GLCE: variants seen among roughly 807,000 people sequenced by gnomAD.
The protein encoded by GLCE is glucuronic acid epimerase, also known as D-glucuronyl C5-epimerase.
In GLCE, 19 loss-of-function variants were observed where a neutral mutation model predicts 47.9. The observed-to-expected ratio is 0.40, with a 90% CI of 0.28 to 0.58. The LOEUF is 0.58. GLCE is among the 20% of genes least tolerant of loss of function. The pLI is 0.48. For missense variants in GLCE, 556 were observed against 743.3 expected (o/e 0.75, Z 2.93); for synonymous variants, 245 against 263.4 (o/e 0.93, Z 0.68).
intron 1 of GLCE, among the ~76,000 whole-genome samples, chr15:69,170,835 C>G (rs1260963265): frequency 1.3e-5 from 2 of 152,156 alleles, no homozygotes; most frequent in African/African-American, 4.8e-5. Flanking sequence ...AATAGCACTT[C>G]TGTTTATAGT....
intron 1 of GLCE, among the ~76,000 whole-genome samples, chr15:69,202,011 C>G (rs1437877029): frequency 6.6e-6 from 1 of 152,050 alleles, no homozygotes; most frequent in Non-Finnish European, 1.5e-5. Context: ...CCTTGACCTC[C>G]TCAGCTCAAA....
intron 1 of GLCE, among the ~76,000 whole-genome samples, chr15:69,198,953 C>T (rs966830145): frequency 1.3e-4 from 20 of 152,150 alleles, no homozygotes; most frequent in African/African-American, 4.8e-4. Flanking sequence ...ACTGCAGGGA[C>T]GTATTAGAAG....
At chr15:69,162,374 GGTTA>G (rs1333961471) in intron 1 of GLCE, among the ~76,000 whole-genome samples, 3 of 152,136 alleles carry the variant, frequency 2.0e-5, no homozygotes, top group African/African-American at 7.2e-5. Flanking sequence ...CATTTCTTTT[GGTTA>G]GTTACTCTAT....
intron 2 of GLCE, among the ~76,000 whole-genome samples, chr15:69,214,082 C>T (rs2052270319): frequency 6.6e-6 from 1 of 151,930 alleles, no homozygotes; most frequent in African/African-American, 2.4e-5. Context: ...CTTGTATTTT[C>T]CCTGCTTTAG....
intron 1 of GLCE, 107 bp from the exon 2 acceptor site, chr15:69,210,209 A>G (rs987750362): frequency 6.6e-6 from 1 of 152,104 alleles, no homozygotes; most frequent in African/African-American, 2.4e-5. Flanking sequence ...TAGTTGTTCC[A>G]TGCATTCTGT....
chr15:69,204,806 T>A (rs914353171), intron 1 of GLCE, among the ~76,000 whole-genome samples: 6 of 152,092 alleles, frequency 3.9e-5, no homozygotes, highest in African/African-American at 1.4e-4. Context: ...CCTTTGCAGG[T>A]GATACATTGC....
intron 4 of GLCE, among the ~76,000 whole-genome samples, chr15:69,266,375 G>A (rs1386460716): frequency 1.3e-5 from 2 of 151,650 alleles, no homozygotes; most frequent in East Asian, 1.9e-4. Context: ...CTGTCACCCA[G>A]AACAAGAGTG....
chr15:69,228,059 C>CTCTATTTCCTA (rs2052473685), intron 2 of GLCE, among the ~76,000 whole-genome samples: 1 of 152,100 alleles, frequency 6.6e-6, no homozygotes, highest in Non-Finnish European at 1.5e-5. Context: ...GTAGAGAAAG[C>CTCTATTTCCTA]TAGGAGGAAA....
intron 1 of GLCE, among the ~76,000 whole-genome samples, chr15:69,202,135 G>T (rs997635185): frequency 6.6e-6 from 1 of 151,920 alleles, no homozygotes; most frequent in Non-Finnish European, 1.5e-5. Context: ...ACCCAGGCTG[G>T]TCTTGAGCTC....
chr15:69,219,300 T>C (rs535641915), intron 2 of GLCE, among the ~76,000 whole-genome samples: 2 of 152,266 alleles, frequency 1.3e-5, no homozygotes, highest in Non-Finnish European at 2.9e-5. Context: ...GACAGTTGTT[T>C]CAGTATATAT....
chr15:69,229,046 G>T (rs1030347122), intron 2 of GLCE, among the ~76,000 whole-genome samples: 1 of 152,056 alleles, frequency 6.6e-6, no homozygotes. Context: ...AAACTAAAAG[G>T]ATTAAAATAT....
At chr15:69,248,480 G>A (rs1029398395) in intron 2 of GLCE, among the ~76,000 whole-genome samples, 1 of 152,090 alleles carries the variant, frequency 6.6e-6, no homozygotes, top group Non-Finnish European at 1.5e-5. Context: ...TCAAATGTCT[G>A]TTTTTTATCT....
chr15:69,229,702 A>G (rs1325617961), intron 2 of GLCE, among the ~76,000 whole-genome samples: 1 of 152,092 alleles, frequency 6.6e-6, no homozygotes, highest in Non-Finnish European at 1.5e-5. Flanking sequence ...TACTTACCCA[A>G]CAATGACAAA....
At chr15:69,203,042 A>G (rs2052097777) in intron 1 of GLCE, among the ~76,000 whole-genome samples, 1 of 152,142 alleles carries the variant, frequency 6.6e-6, no homozygotes, top group Admixed American at 6.6e-5. Flanking sequence ...ATTTGGGTGA[A>G]GGAAAGTAGT....
chr15:69,255,853 T>C lies in GLCE; in HGVS notation c.47T>C (p.Ile16Thr). 9 of 1,614,072 alleles carry C rather than the reference T, an allele frequency of 5.6e-6. No homozygotes were observed. The highest frequency in any genetic ancestry group is 1.7e-5 in the Admixed American group (1 of 60,002). Residue 16 changes from isoleucine (I) to threonine (T), a missense_variant, in exon 3 of 5, where the codon ATC (isoleucine) becomes ACC (threonine). Ile to Thr is a moderately conservative substitution (Grantham distance 89, BLOSUM62 -1). Transcript: ENST00000261858. ...ARVNYKTLIIICALFTLVTVL... is the reference protein window; with the variant it reads ...ARVNYKTLIITCALFTLVTVL... ...GTCAACTATAAGACTTTGATTATTATCTGCGCACTCTTCACTTTGGTCACA... is the reference window on the plus strand; with the variant it reads ...GTCAACTATAAGACTTTGATTATTACCTGCGCACTCTTCACTTTGGTCACA...
rs150171595 is a variant in GLCE at position 69,245,976 on chromosome 15, G to A, written c.-13-9818G>A. ...ACTCCTTACCTCAGGTAATCTGCCCGCCTCGGCCTCCTAAAGTACTGGGTT... is the reference window on the plus strand; with the variant it reads ...ACTCCTTACCTCAGGTAATCTGCCCACCTCGGCCTCCTAAAGTACTGGGTT... On this transcript the variant is annotated intron_variant, in intron 2 of 4. Coordinates refer to ENST00000261858, the MANE Select transcript of GLCE (RefSeq NM_015554.3). Among the ~76,000 whole-genome samples, 700 of 152,200 alleles carry A rather than the reference G, an allele frequency of 4.6e-3. 7 individuals are homozygous for A. Among genetic ancestry groups the A allele is most frequent in the African/African-American group, 0.015 (612 of 41,528 alleles).
At chr15:69,184,598 T>C (rs2051796686) in intron 1 of GLCE, among the ~76,000 whole-genome samples, 1 of 152,226 alleles carries the variant, frequency 6.6e-6, no homozygotes, top group Admixed American at 6.5e-5. Context: ...GTCTTTCAAC[T>C]TTAGATATCA....
chr15:69,218,067 T>C (rs1431396531), intron 2 of GLCE, among the ~76,000 whole-genome samples: 1 of 143,044 alleles, frequency 7.0e-6, no homozygotes, highest in East Asian at 2.1e-4. Context: ...GGCAGGAGAA[T>C]CAATTGAACT....
chr15:69,236,405 A>C (rs1430921878), intron 2 of GLCE, among the ~76,000 whole-genome samples: 1 of 152,192 alleles, frequency 6.6e-6, no homozygotes, highest in African/African-American at 2.4e-5. Flanking sequence ...ATTGCTTTCA[A>C]AATTTGGAGA....
Sources: gnomAD v4.1 joint callset for allele counts (sites outside exome capture counted in the v4.1 genomes callset) on GRCh38, gnomAD v4.1.1 for gene constraint, MANE v1.5 for transcripts, NCBI Gene and HGNC (gene_info 2026-07-23, HGNC 2026-07-21) for gene names.